GRB10: variants seen among roughly 807,000 people sequenced by gnomAD.
GRB10 encodes the protein growth factor receptor-bound protein 10.
Under a neutral mutation model 80.9 loss-of-function variants are expected in GRB10, and 20 were observed. The ratio of observed to expected loss-of-function variants is 0.25; its 90% confidence interval spans 0.17 to 0.36. GRB10 has a LOEUF of 0.36. Among genes scored for constraint, GRB10 ranks in the 10% least tolerant of loss-of-function variants. GRB10 has a pLI of 1.00. For missense variants in GRB10, 548 were observed against 747.7 expected (o/e 0.73, Z 3.12); for synonymous variants, 291 against 291.5 (o/e 1.00, Z 0.02).
intron 6 of GRB10, among the ~76,000 whole-genome samples, chr7:50,670,558 G>A: frequency 6.6e-6 from 1 of 151,752 alleles, no homozygotes; most frequent in Non-Finnish European, 1.5e-5. Flanking sequence ...AAGTTTTGTT[G>A]TCCTGGGTGC....
intron 18 of GRB10, among the ~76,000 whole-genome samples, chr7:50,593,387 C>T (rs1442903671): frequency 1.3e-5 from 2 of 152,092 alleles, no homozygotes; most frequent in East Asian, 3.9e-4. Context: ...CTCGAAGTTG[C>T]CCCCAGTTCA....
intron 7 of GRB10, among the ~76,000 whole-genome samples, chr7:50,640,677 T>C (rs1453168438): frequency 6.6e-6 from 1 of 152,266 alleles, no homozygotes; most frequent in African/African-American, 2.4e-5. Context: ...CTTCTCTCTG[T>C]AGCTTATTTG....
chr7:50,779,834 T>C (rs1588108155), intron 2 of GRB10: 1 of 152,210 alleles, frequency 6.6e-6, no homozygotes, highest in Admixed American at 6.5e-5. Flanking sequence ...TTTACACATT[T>C]AGAATTTTCT....
At chr7:50,744,187 G>A (rs1316112221) in intron 3 of GRB10, among the ~76,000 whole-genome samples, 4 of 152,140 alleles carry the variant, frequency 2.6e-5, no homozygotes, top group Non-Finnish European at 4.4e-5. Flanking sequence ...TAGGACGCAG[G>A]CGCTGCAACA....
Position 50,782,346 on chromosome 7 carries a change from G to GATCC in GRB10, c.-327+74_-327+77dup, listed in dbSNP as rs1269720003. ...GGGGCCTCTGCAGCCTGCGCAGGCCGATCCGCCCGCCGCCCCGGCTCGCGC... is the reference window on the plus strand; with the variant it reads ...GGGGCCTCTGCAGCCTGCGCAGGCCGATCCATCCGCCCGCCGCCCCGGCTCGCGC... On this transcript the variant is annotated intron_variant, in intron 1 of 18. Transcript: ENST00000401949. This position sits in a 1 kb window ranked among gnomAD's most constrained non-coding sequence, Gnocchi z 6.6. 6.7e-6 allele frequency: 1 copy of GATCC among 148,630 alleles called. No individual in the cohort carries two copies. The highest frequency in any genetic ancestry group is 1.5e-5 in the Non-Finnish European group (1 of 66,644). 9.2% of individuals were successfully genotyped at this position (148,630 alleles called of 1,614,324 possible). A position where few individuals can be genotyped will look rare whatever the true frequency, so the allele number is the denominator to read the frequency against.
intron 2 of GRB10, among the ~76,000 whole-genome samples, chr7:50,766,770 G>C (rs1015610839): frequency 6.6e-6 from 1 of 152,112 alleles, no homozygotes; most frequent in African/African-American, 2.4e-5. Flanking sequence ...AGCCCACTAG[G>C]GCCTGGCATT....
At chr7:50,739,728 G>A (rs17548938) in intron 3 of GRB10, among the ~76,000 whole-genome samples, 12,727 of 152,192 alleles carry the variant, frequency 0.084, 902 homozygotes, top group Admixed American at 0.19. Flanking sequence ...CAACATCGGG[G>A]TCACCAACTT....
intron 4 of GRB10, among the ~76,000 whole-genome samples, chr7:50,713,522 T>TCAC (rs1468252203): frequency 6.8e-6 from 1 of 146,306 alleles, no homozygotes; most frequent in African/African-American, 2.6e-5. Context: ...ATCTCCACCA[T>TCAC]CACCTCCACC....
intron 7 of GRB10, among the ~76,000 whole-genome samples, chr7:50,641,830 A>G (rs181783127): frequency 2.4e-4 from 36 of 152,296 alleles, no homozygotes; most frequent in Middle Eastern, 3.4e-3. Flanking sequence ...TCTTGGGCTG[A>G]TGCTCAGTGG....
rs1401169133 is a variant in GRB10 at position 50,782,179 on chromosome 7, T to TA, written c.-327+244dup. ...TTACATAATATTAAACAATTAAGAT[T>TA]AAAAATGGTTACATAATACTGTCCT... On this transcript the variant is annotated intron_variant, in intron 1 of 18. Transcript: ENST00000401949. The surrounding 1 kb of genome is among the most constrained non-coding windows in gnomAD (Gnocchi z 6.6). 6.6e-6 allele frequency among the ~76,000 whole-genome samples: 1 copy of TA among 152,056 alleles called. No homozygotes were observed. Among genetic ancestry groups the TA allele is most frequent in the Non-Finnish European group, 1.5e-5 (1 of 67,996 alleles).
In GRB10 at chr7:50,782,198, CTGT is replaced by C. The variant is rs2078356849; in HGVS notation, c.-327+223_-327+225del. On this transcript the variant is annotated intron_variant, in intron 1 of 18. Coordinates refer to ENST00000401949, the MANE Select transcript of GRB10 (RefSeq NM_001350814.2). The surrounding 1 kb of genome is among the most constrained non-coding windows in gnomAD (Gnocchi z 6.6). ...TAAGATTAAAAATGGTTACATAATA[CTGT>C]CCTATGGCTGGCGGCAACGAAGCTC... Among the ~76,000 whole-genome samples the C allele has an allele frequency of 6.6e-6, 1 of 152,150 alleles. No individual in the cohort carries two copies. Among genetic ancestry groups the C allele is most frequent in the Admixed American group, 6.5e-5 (1 of 15,284 alleles).
At chr7:50,660,316 G>T (rs2059125769) in intron 7 of GRB10, among the ~76,000 whole-genome samples, 1 of 152,172 alleles carries the variant, frequency 6.6e-6, no homozygotes, top group Non-Finnish European at 1.5e-5. Flanking sequence ...GTGCAGCCGT[G>T]GTGCTGCATT....
chr7:50,704,847 G>GGCAT (rs2064818310), intron 4 of GRB10, among the ~76,000 whole-genome samples: 2 of 152,198 alleles, frequency 1.3e-5, no homozygotes, highest in African/African-American at 4.8e-5. Flanking sequence ...CGGCCACTGA[G>GGCAT]GCATGGGAAG....
chr7:50,786,883 C>T (rs535268974), upstream of GRB10, among the ~76,000 whole-genome samples: 10 of 152,338 alleles, frequency 6.6e-5, no homozygotes, highest in East Asian at 1.9e-3. Context: ...GCAACCCAGC[C>T]TGCTGAAAGC....
chr7:50,742,260 C>T (rs1170932313), intron 3 of GRB10, among the ~76,000 whole-genome samples: 4 of 28,096 alleles, frequency 1.4e-4, no homozygotes, highest in Non-Finnish European at 1.1e-3. Flanking sequence ...AACACACGCG[C>T]ACGCGCGCGC....
chr7:50,776,952 C>A (rs1426323687), intron 2 of GRB10, among the ~76,000 whole-genome samples: 1 of 152,184 alleles, frequency 6.6e-6, no homozygotes, highest in Non-Finnish European at 1.5e-5. Flanking sequence ...TTCTAGCAAA[C>A]ACTTCCAAAC....
intron 4 of GRB10, among the ~76,000 whole-genome samples, chr7:50,717,889 C>T (rs1206531656): frequency 1.3e-5 from 2 of 152,230 alleles, no homozygotes; most frequent in Admixed American, 6.5e-5. Context: ...ACCTACGAGA[C>T]GCAACCACAA....
At chr7:50,713,332 C>T (rs558746621) in intron 4 of GRB10, among the ~76,000 whole-genome samples, 1 of 152,108 alleles carries the variant, frequency 6.6e-6, no homozygotes, top group South Asian at 2.1e-4. Flanking sequence ...CACCCCTTCC[C>T]ACCACCTCCT....
chr7:50,625,398 A>T lies in GRB10; in HGVS notation c.661+1424T>A, dbSNP rs188111549. On this transcript the variant is annotated intron_variant, in intron 8 of 18. Coordinates refer to ENST00000401949, the MANE Select transcript of GRB10 (RefSeq NM_001350814.2). The stretch of plus-strand genomic sequence containing the variant: ...TGTTTTTAAAATTTTATATATATAT[A>T]TTTTTTCATACATATATATACACAT... 3.6e-4 allele frequency among the ~76,000 whole-genome samples: 55 copies of T among 152,034 alleles called. No homozygotes were observed. In the Middle Eastern group the frequency reaches 0.014, roughly 38 times the overall value.
Sources: gnomAD v4.1 joint callset for allele counts (sites outside exome capture counted in the v4.1 genomes callset) on GRCh38, gnomAD v4.1.1 for gene constraint, Gnocchi (gnomAD v3.1) non-coding constraint, MANE v1.5 for transcripts, NCBI Gene and HGNC (gene_info 2026-07-23, HGNC 2026-07-21) for gene names.